Variants in ZNF558 observed in about 807,000 individuals in gnomAD.
ZNF558 encodes the protein zinc finger protein 558.
Under a neutral mutation model 37.6 loss-of-function variants are expected in ZNF558, and 23 were observed. That is an observed-to-expected ratio of 0.61 (90% CI 0.44 to 0.87). The LOEUF is 0.87. ZNF558 is among the 40% of genes least tolerant of loss of function. The pLI is 0.00. For missense variants in ZNF558, 429 were observed against 483.7 expected, an observed-to-expected ratio of 0.89 and a Z score of 1.06; for synonymous variants, 189 against 174.4, an observed-to-expected ratio of 1.08 and a Z score of -0.66.
intron 4 of ZNF558, among the ~76,000 whole-genome samples, chr19:8,823,532 G>GC (rs1218725688): frequency 1.8e-5 from 2 of 110,738 alleles, no homozygotes; most frequent in East Asian, 5.9e-4. Context: ...CCCATGTTCT[G>GC]CCTGTTACCC....
In ZNF558 at chr19:8,812,938, A is replaced by T. The variant is rs2043832403; in HGVS notation, c.343+189T>A. On this transcript the variant is annotated intron_variant, in intron 8 of 9. Transcript: ENST00000601372. ...TGAGCCCAAAGTGAAGTATGAGATGATGACAAGGGAGTTAGAGAGAAAAGA... is the reference window on the plus strand; with the variant it reads ...TGAGCCCAAAGTGAAGTATGAGATGTTGACAAGGGAGTTAGAGAGAAAAGA... 2.0e-5 allele frequency among the ~76,000 whole-genome samples: 3 copies of T among 152,214 alleles called. No individual in the cohort carries two copies. In the South Asian group the frequency reaches 6.2e-4, roughly 31 times the overall value.
chr19:8,832,524 T>A (rs1207328370), upstream of ZNF558: 1 of 151,874 alleles, frequency 6.6e-6, no homozygotes, highest in African/African-American at 2.4e-5. Flanking sequence ...GTAGCGGGGG[T>A]AAGGTTGGCC....
intron 7 of ZNF558, 59 bp from the exon 8 acceptor site, chr19:8,813,281 TGAAA>T (rs1459342078): frequency 2.9e-6 from 4 of 1,359,884 alleles, no homozygotes; most frequent in Non-Finnish European, 4.1e-6. Context: ...ACCAAGTCCA[TGAAA>T]GAAAGCCAAC....
At chr19:8,821,767 A>G in intron 6 of ZNF558, 5 of 1,353,492 alleles carry the variant, frequency 3.7e-6, no homozygotes, top group Non-Finnish European at 4.8e-6. Context: ...GCTTTCCCTT[A>G]AAACTCTCAG....
chr19:8,829,421 G>C (rs189472367), intron 2 of ZNF558, among the ~76,000 whole-genome samples: 12 of 152,326 alleles, frequency 7.9e-5, no homozygotes, highest in African/African-American at 2.6e-4. Context: ...CAGGTGAGCA[G>C]ACCCCAGTTT....
chr19:8,834,200 A>C (rs1479571502), upstream of ZNF558, among the ~76,000 whole-genome samples: 1 of 152,250 alleles, frequency 6.6e-6, no homozygotes, highest in African/African-American at 2.4e-5. Flanking sequence ...AGGTGGCTGA[A>C]GGAAGTTTAA....
Position 8,822,146 on chromosome 19 carries a change from C to G in ZNF558, c.32-55G>C. On this transcript the variant is annotated intron_variant, in intron 5 of 9. Transcript: ENST00000601372. The surrounding 1 kb of genome is among the most constrained non-coding windows in gnomAD (Gnocchi z 4.4). ...TCAGGCTTGTCTGACACCCACAGAT[C>G]TGCCCCTGATTGACCACACCCACCT... The G allele has an allele frequency of 1.2e-6, 2 of 1,608,276 alleles. No individual in the cohort carries two copies. The highest frequency in any genetic ancestry group is 8.5e-7 in the Non-Finnish European group (1 of 1,176,368).
intron 2 of ZNF558, among the ~76,000 whole-genome samples, chr19:8,826,049 C>G (rs1389441413): frequency 6.6e-6 from 1 of 152,054 alleles, no homozygotes; most frequent in Admixed American, 6.6e-5. Context: ...AGATAACATA[C>G]AGAGAGACTG....
chr19:8,821,414 A>ATAC (rs1369060959), intron 6 of ZNF558, 108 bp from the exon 7 acceptor site: 1 of 1,603,270 alleles, frequency 6.2e-7, no homozygotes, highest in East Asian at 2.2e-5. Context: ...TGAGCACGAG[A>ATAC]TGTTGGGGGG....
At chr19:8,829,966 G>A (rs1265263298) in intron 2 of ZNF558, among the ~76,000 whole-genome samples, 1 of 152,074 alleles carries the variant, frequency 6.6e-6, no homozygotes, top group Non-Finnish European at 1.5e-5. Flanking sequence ...CTATTAGGAG[G>A]TGATATCGTT....
rs939709728 is a variant in ZNF558, at chr19:8,821,808, G to C, written c.120+195C>G. The C allele has an allele frequency of 5.7e-6, 8 of 1,412,906 alleles. No homozygotes were observed. The East Asian group carries it at 8.0e-5, about 14-fold the overall frequency. 87.5% of individuals were successfully genotyped at this position (1,412,906 alleles called of 1,614,324 possible). ...CATGATGTACTCAGGGACCCTGGAG[G>C]GAGCTCTGAACCTGCAGTAAATGTT... On this transcript the variant is annotated intron_variant, in intron 6 of 9. Coordinates refer to ENST00000601372, the MANE Select transcript of ZNF558 (RefSeq NM_144693.3).
chr19:8,826,470 T>G (rs1272160667), intron 2 of ZNF558, among the ~76,000 whole-genome samples: 1 of 151,372 alleles, frequency 6.6e-6, no homozygotes. Context: ...GGAATTAGAT[T>G]CTCCTAAGGA....
chr19:8,808,365 C>T lies in ZNF558; in HGVS notation c.*2916G>A, dbSNP rs1270903512. On this transcript the variant is annotated 3_prime_UTR_variant, in exon 10 of 10. Coordinates refer to ENST00000601372, the MANE Select transcript of ZNF558 (RefSeq NM_144693.3). The stretch of plus-strand genomic sequence containing the variant: ...CATTTATTATTAATGCATTACAATA[C>T]TTTGCTATGTAAAAATATCATCTCC... 1 of 147,908 alleles carries T rather than the reference C, an allele frequency of 6.8e-6. No individual in the cohort carries two copies. Among genetic ancestry groups the T allele is most frequent in the Non-Finnish European group, 1.5e-5 (1 of 67,428 alleles). The allele number at this position is 147,908 out of a possible 1,614,324, so 9.2% of individuals were successfully genotyped here.
At chr19:8,814,701 T>C (rs1555769691) in intron 7 of ZNF558, among the ~76,000 whole-genome samples, 7 of 152,166 alleles carry the variant, frequency 4.6e-5, no homozygotes, top group Non-Finnish European at 1.0e-4. Flanking sequence ...TAAAGGCATG[T>C]CCCTATGTAC....
At chr19:8,812,536 C>A in intron 9 of ZNF558, 25 bp downstream of exon 9, 4 of 1,487,834 alleles carry the variant, frequency 2.7e-6, no homozygotes, top group Non-Finnish European at 2.7e-6. Flanking sequence ...TGTAGAAAAC[C>A]AGAAATCACC....
At chr19:8,815,869 A>T (rs2043924521) in intron 7 of ZNF558, among the ~76,000 whole-genome samples, 1 of 152,092 alleles carries the variant, frequency 6.6e-6, no homozygotes, top group African/African-American at 2.4e-5. Context: ...TTGGGATACC[A>T]TCGAACCTAC....
chr19:8,809,493 A>G lies in ZNF558; in HGVS notation c.*1788T>C, dbSNP rs2043734462. On this transcript the variant is annotated 3_prime_UTR_variant, in exon 10 of 10. Coordinates refer to ENST00000601372, the MANE Select transcript of ZNF558 (RefSeq NM_144693.3). ...GGACACTGGGAAAGAAACCAACAGTATTTGGCATACCAAGATAGAGAGAAA... is the reference window on the plus strand; with the variant it reads ...GGACACTGGGAAAGAAACCAACAGTGTTTGGCATACCAAGATAGAGAGAAA... 2 of 152,340 alleles carry G rather than the reference A, an allele frequency of 1.3e-5. No individual in the cohort carries two copies. Among genetic ancestry groups the G allele is most frequent in the South Asian group, 4.1e-4 (2 of 4,828 alleles). The allele number at this position is 152,340 out of a possible 1,614,324, so 9.4% of individuals were successfully genotyped here.
intron 7 of ZNF558, among the ~76,000 whole-genome samples, chr19:8,820,453 G>A (rs977738539): frequency 2.0e-5 from 3 of 152,152 alleles, no homozygotes; most frequent in Admixed American, 6.6e-5. Flanking sequence ...GGAATGAAGC[G>A]CTGGTACAAC....
upstream of ZNF558, among the ~76,000 whole-genome samples, chr19:8,835,377 C>T (rs79577669): frequency 2.7e-3 from 407 of 152,104 alleles, 4 homozygotes; most frequent in African/African-American, 9.0e-3. Flanking sequence ...GAGTTCGAAT[C>T]GTCATTTCTA....
Sources: allele counts gnomAD v4.1 joint callset (sites outside exome capture counted in the v4.1 genomes callset), GRCh38; gene constraint gnomAD v4.1.1; non-coding constraint Gnocchi (gnomAD v3.1); transcripts MANE v1.5; gene names NCBI Gene and HGNC (gene_info 2026-07-23, HGNC 2026-07-21).